The following PCDHA4 variants were observed in gnomAD, a reference collection of about 807,000 sequenced individuals.
PCDHA4 encodes the protein protocadherin alpha 4, also known as protocadherin alpha-4.
In PCDHA4, 49 loss-of-function variants were observed where a neutral mutation model predicts 61.4. That is an observed-to-expected ratio of 0.80 (90% CI 0.63 to 1.01). The LOEUF (loss-of-function observed/expected upper bound fraction) is 1.01. Among genes scored for constraint, PCDHA4 ranks in the 50% least tolerant of loss-of-function variants. PCDHA4 has a pLI of 0.00. For missense variants in PCDHA4, 1,254 were observed against 1,235.8 expected (o/e 1.01, Z -0.22); for synonymous variants, 590 against 550.3 (o/e 1.07, Z -1.01).
chr5:140,883,320 C>T, intron 1 of PCDHA4: 1 of 1,614,112 alleles, frequency 6.2e-7, no homozygotes, highest in Non-Finnish European at 8.5e-7. Flanking sequence ...CCAGAGGTTA[C>T]CATCACTTCT....
intron 3 of PCDHA4, among the ~76,000 whole-genome samples, chr5:140,990,570 C>T (rs142596715): frequency 7.2e-4 from 110 of 152,260 alleles, no homozygotes; most frequent in African/African-American, 2.4e-3. Context: ...CACACCTGTT[C>T]GATCTCTTTT....
chr5:140,930,329 A>C (rs868965676), intron 1 of PCDHA4: 1 of 152,198 alleles, frequency 6.6e-6, no homozygotes, highest in African/African-American at 2.4e-5. Context: ...AATGTATCTA[A>C]TGAAAGTTAA....
At chr5:140,861,501 C>A in intron 1 of PCDHA4, 1 of 480,612 alleles carries the variant, frequency 2.1e-6, no homozygotes, top group South Asian at 1.6e-5. Flanking sequence ...TCTGATAGAC[C>A]TCGAGGAGCT....
chr5:140,973,574 C>T (rs1485415780), intron 1 of PCDHA4, among the ~76,000 whole-genome samples: 1 of 152,218 alleles, frequency 6.6e-6, no homozygotes, highest in African/African-American at 2.4e-5. Flanking sequence ...AATTTTTCTA[C>T]AGACTGCTGA....
At chr5:140,848,810 C>T (rs2150250287) in intron 1 of PCDHA4, 1 of 1,591,698 alleles carries the variant, frequency 6.3e-7, no homozygotes, top group East Asian at 2.2e-5. Context: ...GCAGCATCCA[C>T]CTGGAGGTGA....
At chr5:140,988,414 T>C (rs1554250128) in intron 3 of PCDHA4, among the ~76,000 whole-genome samples, 1 of 152,194 alleles carries the variant, frequency 6.6e-6, no homozygotes. Flanking sequence ...GCAGCTTATG[T>C]AAAGAATTTG....
At chr5:140,959,281 G>T (rs1395135880) in intron 1 of PCDHA4, among the ~76,000 whole-genome samples, 2 of 152,044 alleles carry the variant, frequency 1.3e-5, no homozygotes, top group Admixed American at 1.3e-4. Context: ...GGAGCCTGAG[G>T]TGGGAGCATC....
At chr5:140,857,050 G>T in intron 1 of PCDHA4, 1 of 1,595,508 alleles carries the variant, frequency 6.3e-7, no homozygotes, top group Non-Finnish European at 8.6e-7. Flanking sequence ...GTCACTGCAC[G>T]GTCCTAGTGG....
intron 1 of PCDHA4, among the ~76,000 whole-genome samples, chr5:140,890,853 C>T (rs1202284942): frequency 1.3e-5 from 2 of 152,058 alleles, no homozygotes; most frequent in Non-Finnish European, 2.9e-5. Flanking sequence ...GTTTCTCTTC[C>T]TTACTTCTTG....
chr5:140,826,455 A>G (rs1768943541), intron 1 of PCDHA4, among the ~76,000 whole-genome samples: 1 of 152,202 alleles, frequency 6.6e-6, no homozygotes, highest in African/African-American at 2.4e-5. Context: ...TTTGTGTCAC[A>G]ATCATCTGTG....
intron 1 of PCDHA4, among the ~76,000 whole-genome samples, chr5:140,846,372 T>C (rs1014223048): frequency 1.5e-5 from 1 of 66,612 alleles, no homozygotes; most frequent in Non-Finnish European, 3.6e-5. Flanking sequence ...TTTCTTTCTT[T>C]CTTTTTTTTT....
At chr5:140,819,483 A>C (rs1319198819) in intron 1 of PCDHA4, among the ~76,000 whole-genome samples, 1 of 152,184 alleles carries the variant, frequency 6.6e-6, no homozygotes, top group Non-Finnish European at 1.5e-5. Flanking sequence ...AATGATGCTT[A>C]AACATGACTG....
intron 1 of PCDHA4, among the ~76,000 whole-genome samples, chr5:140,821,310 C>A (rs1240632273): frequency 6.6e-6 from 1 of 151,998 alleles, no homozygotes; most frequent in African/African-American, 2.4e-5. Flanking sequence ...TAAAATACAC[C>A]AGCACAAATT....
chr5:140,808,730 G>C lies in PCDHA4; in HGVS notation c.1543G>C (p.Gly515Arg), dbSNP rs1554124735. The C allele has an allele frequency of 8.1e-6, 13 of 1,612,052 alleles. No individual in the cohort carries two copies. The highest frequency in any genetic ancestry group is 6.7e-5 in the Admixed American group (4 of 60,000). The change falls in exon 1 of 4, where the codon GGC becomes CGC. Residue 515 changes from glycine to arginine, a missense_variant. Transcript: ENST00000530339. ...SSYVSVHAES[G>R]KVYALQPLDH... The stretch of plus-strand genomic sequence containing the variant: ...CTACGTTTCGGTGCATGCGGAGAGC[G>C]GCAAGGTGTACGCGCTGCAGCCGCT...
intron 1 of PCDHA4, among the ~76,000 whole-genome samples, chr5:140,918,303 G>C (rs2078625601): frequency 6.6e-6 from 1 of 152,112 alleles, no homozygotes; most frequent in Non-Finnish European, 1.5e-5. Flanking sequence ...AGAATATAGG[G>C]TTTTCTAGGT....
At chr5:140,964,802 GA>G (rs1187447949) in intron 1 of PCDHA4, among the ~76,000 whole-genome samples, 2 of 151,946 alleles carry the variant, frequency 1.3e-5, no homozygotes, top group African/African-American at 4.8e-5. Context: ...CCCAAGAAAG[GA>G]GACAGGAATA....
chr5:140,870,550 G>C (rs371515299), intron 1 of PCDHA4: 2 of 1,614,066 alleles, frequency 1.2e-6, no homozygotes, highest in South Asian at 2.2e-5. Flanking sequence ...GGACGCGGAC[G>C]CGCAGGAGAA....
At position 140,842,935 on chromosome 5, in the gene PCDHA4, C is replaced by T. The variant is rs1329962165; in HGVS notation, c.2385+33363C>T. ...TGCTGCAGTTCCAGGTGAGCGCGCG[C>T]GACGCGGGCGTGCCGCCTCTGGGCA... On this transcript the variant is annotated intron_variant, in intron 1 of 3. Transcript: ENST00000530339. The T allele has an allele frequency of 3.8e-6, 6 of 1,594,442 alleles. No individual in the cohort carries two copies. In the African/African-American group the frequency reaches 8.1e-5, roughly 21 times the overall value.
intron 1 of PCDHA4, among the ~76,000 whole-genome samples, chr5:140,901,935 GTA>G (rs200320249): frequency 0.011 from 1,607 of 151,762 alleles, 16 homozygotes; most frequent in African/African-American, 0.028. Context: ...TAATTCCTAG[GTA>G]TATTTAGTTT....
Sources: gnomAD v4.1 joint callset for allele counts (sites outside exome capture counted in the v4.1 genomes callset) on GRCh38, gnomAD v4.1.1 for gene constraint, MANE v1.5 for transcripts, NCBI Gene and HGNC (gene_info 2026-07-23, HGNC 2026-07-21) for gene names.